Variants in TAF1B observed in about 807,000 individuals in gnomAD.
TAF1B encodes the protein TATA-box binding protein associated factor, RNA polymerase I subunit B, also known as TATA box-binding protein-associated factor RNA polymerase I subunit B.
A neutral mutation model predicts 83.9 loss-of-function variants in TAF1B; 61 were observed. The ratio of observed to expected loss-of-function variants is 0.73; its 90% CI spans 0.59 to 0.90. TAF1B has a LOEUF of 0.90. TAF1B is among the 40% of genes least tolerant of loss of function. The pLI, the probability that TAF1B is intolerant of heterozygous loss-of-function variation, is 0.00. For synonymous variants in TAF1B, 221 were observed against 224.6 expected (o/e 0.98, Z 0.14); for missense variants, 625 against 677.0 (o/e 0.92, Z 0.85).
intron 5 of TAF1B, among the ~76,000 whole-genome samples, chr2:9,866,852 C>T (rs990799829): frequency 3.9e-5 from 6 of 151,930 alleles, no homozygotes; most frequent in East Asian, 1.9e-4. Flanking sequence ...AACCAAACAT[C>T]GCATGTTCTC....
At chr2:9,878,316 G>C (rs912356211) in intron 7 of TAF1B, among the ~76,000 whole-genome samples, 1 of 151,588 alleles carries the variant, frequency 6.6e-6, no homozygotes, top group Non-Finnish European at 1.5e-5. Context: ...CCTCAAGCAA[G>C]CCTCCTACCT....
chr2:9,879,724 A>G (rs1664435882), intron 7 of TAF1B, among the ~76,000 whole-genome samples: 1 of 152,236 alleles, frequency 6.6e-6, no homozygotes, highest in Non-Finnish European at 1.5e-5. Context: ...CATCAGAGGC[A>G]GATATCTGTC....
At chr2:9,893,007 A>G (rs921100200) in intron 8 of TAF1B, among the ~76,000 whole-genome samples, 1 of 152,218 alleles carries the variant, frequency 6.6e-6, no homozygotes, top group African/African-American at 2.4e-5. Context: ...GGTGGAAGAT[A>G]TAAGCATAGA....
intron 8 of TAF1B, among the ~76,000 whole-genome samples, chr2:9,888,788 T>TG (rs779187763): frequency 0.041 from 4,204 of 103,260 alleles, 204 homozygotes; most frequent in Non-Finnish European, 0.067. Context: ...TTCTTCTGCT[T>TG]GGTTTTTTTT....
chr2:9,845,354 T>G (rs1244549832), intron 2 of TAF1B, 36 bp downstream of exon 2: 1 of 1,582,306 alleles, frequency 6.3e-7, no homozygotes, highest in Admixed American at 1.7e-5. Context: ...TTTGCTTATG[T>G]TTTAAAAATT....
intron 14 of TAF1B, among the ~76,000 whole-genome samples, chr2:9,928,004 A>C (rs1666096531): frequency 6.6e-6 from 1 of 152,082 alleles, no homozygotes; most frequent in Non-Finnish European, 1.5e-5. Flanking sequence ...TAGGTCTAAC[A>C]TGTAAGTCTT....
At chr2:9,862,389 T>C (rs747023446) in intron 5 of TAF1B, among the ~76,000 whole-genome samples, 1 of 151,980 alleles carries the variant, frequency 6.6e-6, no homozygotes, top group Non-Finnish European at 1.5e-5. Context: ...AAGAGAAGTT[T>C]AGAGAAAAAA....
At chr2:9,926,524 T>C (rs534167169) in intron 14 of TAF1B, among the ~76,000 whole-genome samples, 1 of 152,294 alleles carries the variant, frequency 6.6e-6, no homozygotes, top group Admixed American at 6.5e-5. Context: ...ATAGCCTATA[T>C]GTTGATGTAG....
At position 9,880,407 on chromosome 2, in the gene TAF1B, C is replaced by T. The variant is rs1664463165; in HGVS notation, c.708-2299C>T. The stretch of plus-strand genomic sequence containing the variant: ...TACCTAGGAAGGGAAATAGATTGTT[C>T]AGAACTTTGAGTAAGCAGCTTTTTT... On this transcript the variant is annotated intron_variant, in intron 7 of 14. Coordinates refer to ENST00000263663, the MANE Select transcript of TAF1B (RefSeq NM_005680.3). Among the ~76,000 whole-genome samples, 2 of 127,354 alleles carry T rather than the reference C, an allele frequency of 1.6e-5. 1 individual carries two copies. Among genetic ancestry groups the T allele is most frequent in the South Asian group, 5.4e-4 (2 of 3,724 alleles). The allele number at this position is 127,354 out of a possible 152,430, so 83.5% of individuals were successfully genotyped here.
intron 8 of TAF1B, among the ~76,000 whole-genome samples, chr2:9,899,335 C>T (rs975229722): frequency 7.2e-5 from 11 of 152,078 alleles, no homozygotes; most frequent in African/African-American, 2.4e-4. Flanking sequence ...TATTGTAGTT[C>T]GTGTCAGAAT....
At chr2:9,879,658 G>A (rs1488299947) in intron 7 of TAF1B, among the ~76,000 whole-genome samples, 3 of 152,180 alleles carry the variant, frequency 2.0e-5, no homozygotes, top group Admixed American at 6.5e-5. Flanking sequence ...AGGAGAGTTC[G>A]TGTGACTGGA....
chr2:9,886,714 T>C (rs1480710677), intron 8 of TAF1B, among the ~76,000 whole-genome samples: 2 of 152,348 alleles, frequency 1.3e-5, no homozygotes, highest in East Asian at 1.9e-4. Context: ...AGAGACTGTT[T>C]CTATAATAGC....
chr2:9,867,272 T>C (rs557734619), intron 5 of TAF1B, among the ~76,000 whole-genome samples: 1 of 151,674 alleles, frequency 6.6e-6, no homozygotes, highest in South Asian at 2.1e-4. Flanking sequence ...TAAACAGGAG[T>C]TTGAATCGTC....
intron 5 of TAF1B, among the ~76,000 whole-genome samples, chr2:9,857,630 T>C (rs891332447): frequency 1.3e-5 from 2 of 152,120 alleles, no homozygotes; most frequent in Admixed American, 6.5e-5. Context: ...AAAAGAAGTT[T>C]AATTAACTCA....
intron 8 of TAF1B, among the ~76,000 whole-genome samples, chr2:9,901,071 A>G (rs187410216): frequency 2.5e-4 from 38 of 152,242 alleles, no homozygotes; most frequent in African/African-American, 8.7e-4. Flanking sequence ...TTTATAATCA[A>G]ATTTAAATGT....
At position 9,910,844 on chromosome 2, in the gene TAF1B, ATGTACAAGC is replaced by A; in HGVS notation, c.1069_1077del (p.Gln357_Val359del). 2 of 1,613,636 alleles carry A rather than the reference ATGTACAAGC, an allele frequency of 1.2e-6. No homozygotes were observed. Among genetic ancestry groups the A allele is most frequent in the Non-Finnish European group, 1.7e-6 (2 of 1,179,750 alleles). ...AAAATGGCAAAAACTGTTAAGTACG[ATGTACAAGC>A]TGTAGCTATCATTGTGGTGGTATTG... On this transcript the variant is annotated inframe_deletion, in exon 10 of 15. Coordinates refer to ENST00000263663, the MANE Select transcript of TAF1B (RefSeq NM_005680.3).
chr2:9,847,106 G>T (rs1663229980), intron 2 of TAF1B, among the ~76,000 whole-genome samples: 1 of 152,138 alleles, frequency 6.6e-6, no homozygotes, highest in Non-Finnish European at 1.5e-5. Context: ...GTTTGATTCT[G>T]TTTGATCAAA....
rs1349533270 is a variant in TAF1B at position 9,933,891 on chromosome 2, TGAA to T, written c.1679_1681del (p.Glu560del). The stretch of plus-strand genomic sequence containing the variant: ...TCAGAATAAAGACTTCCCTTCTCCA[TGAA>T]GAAGTGAGCTTAGTTGAGAAGAAAC... On this transcript the variant is annotated inframe_deletion, in exon 15 of 15. Transcript: ENST00000263663. 19 of 1,613,550 alleles carry T rather than the reference TGAA, an allele frequency of 1.2e-5. No homozygotes were observed. The highest frequency in any genetic ancestry group is 1.5e-5 in the Non-Finnish European group (18 of 1,179,752).
intron 14 of TAF1B, among the ~76,000 whole-genome samples, chr2:9,929,027 A>G (rs1444545783): frequency 1.3e-5 from 2 of 152,196 alleles, no homozygotes; most frequent in Non-Finnish European, 2.9e-5. Flanking sequence ...GTTTTGAGAT[A>G]TGTTCCATCA....
Sources: allele counts gnomAD v4.1 joint callset (sites outside exome capture counted in the v4.1 genomes callset), GRCh38; gene constraint gnomAD v4.1.1; transcripts MANE v1.5; gene names NCBI Gene and HGNC (gene_info 2026-07-23, HGNC 2026-07-21).